GSE1: variants seen among roughly 807,000 people sequenced by gnomAD.
GSE1 encodes genetic suppressor element 1.
GSE1 carries 32 observed loss-of-function variants against 112.6 expected under a neutral mutation model. The observed-to-expected ratio is 0.28, with a 90% CI of 0.21 to 0.38. The LOEUF is 0.38. GSE1 is among the 10% of genes least tolerant of loss of function. GSE1 has a pLI of 1.00. For synonymous variants in GSE1, 1,115 were observed against 735.6 expected, an observed-to-expected ratio of 1.52 and a Z score of -8.35; for missense variants, 2,348 against 1,699.2, an observed-to-expected ratio of 1.38 and a Z score of -6.71.
intron 1 of GSE1, chr16:85,285,791 C>A (rs1423238023): frequency 6.6e-6 from 1 of 152,258 alleles, no homozygotes; most frequent in Non-Finnish European, 1.5e-5. Flanking sequence ...CATCTGTGAT[C>A]CCTGTCCACA....
At position 85,431,554 on chromosome 16, in the gene GSE1, A is replaced by C. The variant is rs571003564; in HGVS notation, c.2464+73911A>C. On this transcript the variant is annotated intron_variant, in intron 2 of 2. Transcript: ENST00000637419. The stretch of plus-strand genomic sequence containing the variant: ...CCCCAGATCTGATCCTTTGAGCATC[A>C]GGGCTGGAAAGTCGCCTCCGGGGTG... Among the ~76,000 whole-genome samples, 4 of 152,306 alleles carry C rather than the reference A, an allele frequency of 2.6e-5. No homozygotes were observed. The East Asian group carries it at 7.7e-4, about 29-fold the overall frequency.
At chr16:85,401,285 T>A (rs967800442) in intron 2 of GSE1, among the ~76,000 whole-genome samples, 4 of 147,000 alleles carry the variant, frequency 2.7e-5, no homozygotes, top group Admixed American at 2.1e-4. Context: ...TCTACATTAT[T>A]TATAGAAATG....
At chr16:85,255,018 C>G (rs763639716) in intron 1 of GSE1, among the ~76,000 whole-genome samples, 1 of 152,336 alleles carries the variant, frequency 6.6e-6, no homozygotes, top group South Asian at 2.1e-4. Flanking sequence ...ACCTCTGCCG[C>G]GGGCGGTCTC....
At position 85,645,120 on chromosome 16, in the gene GSE1, A is replaced by G. The variant is rs543525756; in HGVS notation, c.227-3432A>G. Among the ~76,000 whole-genome samples, 14 of 151,312 alleles carry G rather than the reference A, an allele frequency of 9.3e-5. No individual in the cohort carries two copies. The South Asian group carries it at 2.9e-3, about 32-fold the overall frequency. ...CTAGTAGCCCGCCGGCACAGTGCCC[A>G]GTCCCAGGTGTTGGCCCGGTCGACT... is the stretch of plus-strand genomic sequence containing the variant. On this transcript the variant is annotated intron_variant, in intron 2 of 15. Coordinates refer to ENST00000253458, the MANE Select transcript of GSE1 (RefSeq NM_014615.5).
intron 1 of GSE1, among the ~76,000 whole-genome samples, chr16:85,585,125 G>C (rs568563791): frequency 6.6e-6 from 1 of 152,356 alleles, no homozygotes; most frequent in South Asian, 2.1e-4. Flanking sequence ...CTGCTGAGCC[G>C]TTTGCCGCTT....
intron 2 of GSE1, among the ~76,000 whole-genome samples, chr16:85,425,594 C>T (rs984202729): frequency 4.6e-5 from 7 of 152,146 alleles, no homozygotes; most frequent in Non-Finnish European, 5.9e-5. Context: ...AGGGAAGAGG[C>T]GCAGTAAAGG....
chr16:85,467,856 G>T (rs1369596418), intron 2 of GSE1, among the ~76,000 whole-genome samples: 2 of 152,228 alleles, frequency 1.3e-5, no homozygotes, highest in Non-Finnish European at 2.9e-5. Flanking sequence ...GTTGATTCGT[G>T]TGAAGTGTGC....
At chr16:85,622,549 C>G (rs139718028) in intron 1 of GSE1, among the ~76,000 whole-genome samples, 1 of 152,158 alleles carries the variant, frequency 6.6e-6, no homozygotes, top group African/African-American at 2.4e-5. Flanking sequence ...ATAGGCTCTT[C>G]GAACTTGGTA....
intron 1 of GSE1, among the ~76,000 whole-genome samples, chr16:85,257,890 C>T (rs755292032): frequency 3.3e-5 from 5 of 152,252 alleles, no homozygotes; most frequent in Non-Finnish European, 7.3e-5. Context: ...GTCATCATTC[C>T]TCCATGTCTG....
At chr16:85,189,264 C>T (rs1481895065) in intron 1 of GSE1, among the ~76,000 whole-genome samples, 1 of 152,208 alleles carries the variant, frequency 6.6e-6, no homozygotes, top group African/African-American at 2.4e-5. Context: ...AATAACCTAG[C>T]ACTTTATTCT....
upstream of GSE1, among the ~76,000 whole-genome samples, chr16:85,554,051 C>A (rs1345616941): frequency 2.0e-5 from 3 of 152,136 alleles, no homozygotes; most frequent in Admixed American, 6.5e-5. Flanking sequence ...CTTAGTGTCA[C>A]CAAGTCGTGA....
chr16:85,366,781 T>C (rs922827973), intron 2 of GSE1, among the ~76,000 whole-genome samples: 3 of 152,178 alleles, frequency 2.0e-5, no homozygotes, highest in African/African-American at 4.8e-5. Flanking sequence ...GAAAAAACAA[T>C]ACACCAAGCA....
intron 3 of GSE1, among the ~76,000 whole-genome samples, chr16:85,652,812 G>C (rs977138451): frequency 6.6e-6 from 1 of 152,178 alleles, no homozygotes; most frequent in East Asian, 1.9e-4. Context: ...CATTCCTGCT[G>C]ATCTTGTGGG....
upstream of GSE1, chr16:85,555,779 T>C: frequency 1.0e-6 from 1 of 976,974 alleles, no homozygotes; most frequent in Non-Finnish European, 1.2e-6. Flanking sequence ...GGAGGAGAGA[T>C]TGCTACTCGC....
chr16:85,669,915 C>CT (rs1254920745), intron 14 of GSE1, among the ~76,000 whole-genome samples: 3 of 152,228 alleles, frequency 2.0e-5, no homozygotes, highest in African/African-American at 7.2e-5. Context: ...CGCTGACCCC[C>CT]TCTTCTCTCA....
chr16:85,664,910 C>G (rs140022682), intron 11 of GSE1, 105 bp from the exon 12 acceptor site: 7 of 759,346 alleles, frequency 9.2e-6, no homozygotes, highest in Non-Finnish European at 1.6e-5. Context: ...GTTTTTCGGG[C>G]TTTAGTGCTT....
At position 85,479,017 on chromosome 16, in the gene GSE1, C is replaced by CTCCT. The variant is rs1211179657; in HGVS notation, c.2464+121394_2464+121397dup. 1.8e-4 allele frequency among the ~76,000 whole-genome samples: 19 copies of CTCCT among 106,648 alleles called. 1 individual carries two copies. Among genetic ancestry groups the CTCCT allele is most frequent in the African/African-American group, 4.9e-4 (13 of 26,726 alleles). The allele number at this position is 106,648 out of a possible 152,430, so 70.0% of individuals were successfully genotyped here. On this transcript the variant is annotated intron_variant, in intron 2 of 2. Transcript: ENST00000637419. ...CTTCTTTCCCTCCCTCCCTCCCTACCTCCTTCCTTCCTTCCTTCCTTCCAG... is the reference window on the plus strand; with the variant it reads ...CTTCTTTCCCTCCCTCCCTCCCTACCTCCTTCCTTCCTTCCTTCCTTCCTTCCAG...
Position 85,484,046 on chromosome 16 carries a change from C to T in GSE1, c.2464+126403C>T, listed in dbSNP as rs558907216. On this transcript the variant is annotated intron_variant, in intron 2 of 2. Coordinates refer to the GSE1 transcript ENST00000637419. Reference sequence around the variant, plus strand: ...GAAACTGAGGCAGAGCTGGGGTTACCCCAGAAGACCCTCAGATTCGCGGTA... The same window carrying T: ...GAAACTGAGGCAGAGCTGGGGTTACTCCAGAAGACCCTCAGATTCGCGGTA... Among the ~76,000 whole-genome samples the T allele has an allele frequency of 3.9e-5, 6 of 152,330 alleles. No homozygotes were observed. In the South Asian group the frequency reaches 1.2e-3, roughly 32 times the overall value.
chr16:85,490,814 A>T (rs2050987403), intron 2 of GSE1: 2 of 152,274 alleles, frequency 1.3e-5, no homozygotes, highest in Non-Finnish European at 2.9e-5. Flanking sequence ...TATGTAAAAT[A>T]AAAAGCCTTT....
Sources: gnomAD v4.1 joint callset for allele counts (sites outside exome capture counted in the v4.1 genomes callset) on GRCh38, gnomAD v4.1.1 for gene constraint, MANE v1.5 for transcripts, NCBI Gene and HGNC (gene_info 2026-07-23, HGNC 2026-07-21) for gene names.